The following ALG1 variants were observed in gnomAD, a reference collection of about 807,000 sequenced individuals.
ALG1 encodes the protein ALG1 chitobiosyldiphosphodolichol beta-mannosyltransferase, also known as chitobiosyldiphosphodolichol beta-mannosyltransferase.
ALG1 carries 58 observed loss-of-function variants against 55.1 expected under a neutral mutation model. That is an observed-to-expected ratio of 1.05 (90% CI 0.85 to 1.31). The LOEUF (loss-of-function observed/expected upper bound fraction) is 1.31. Ranked by LOEUF, ALG1 falls within the 50% of genes most tolerant of loss-of-function variation. The pLI, the probability that ALG1 is intolerant of heterozygous loss-of-function variation, is 0.00. For synonymous variants in ALG1, 309 were observed against 247.0 expected (o/e 1.25, Z -2.35); for missense variants, 761 against 598.6 (o/e 1.27, Z -2.83).
At chr16:5,075,637 G>T in intron 4 of ALG1, 101 bp downstream of exon 4, 5 of 1,450,830 alleles carry the variant, frequency 3.4e-6, no homozygotes, top group Non-Finnish European at 4.8e-6. Flanking sequence ...TTCCTTGTGG[G>T]CTCTGCAGGA....
Position 5,086,061 on chromosome 16 carries a change from C to T in ALG1, c.*1180C>T, listed in dbSNP as rs1430914139. 6.6e-6 allele frequency among the ~76,000 whole-genome samples: 1 copy of T among 152,208 alleles called. No homozygotes were observed. Among genetic ancestry groups the T allele is most frequent in the Non-Finnish European group, 1.5e-5 (1 of 68,038 alleles). On this transcript the variant is annotated 3_prime_UTR_variant, in exon 13 of 13. Transcript: ENST00000262374. ...TCACAAAGCTTAGAAAGCGGCCGGG[C>T]ACAGTGGCTCATGCCTGTAATCCCA...
chr16:5,087,136 C>T lies in ALG1; in HGVS notation c.*2255C>T, dbSNP rs1027646794. 9 of 152,294 alleles carry T rather than the reference C, an allele frequency of 5.9e-5. No homozygotes were observed. The highest frequency in any genetic ancestry group is 2.2e-4 in the African/African-American group (9 of 41,530). 9.4% of individuals were successfully genotyped at this position (152,294 alleles called of 1,614,324 possible). On this transcript the variant is annotated 3_prime_UTR_variant, in exon 13 of 13. Coordinates refer to ENST00000262374, the MANE Select transcript of ALG1 (RefSeq NM_019109.5). The stretch of plus-strand genomic sequence containing the variant: ...TCAGGGATGTCCAATCTTTTGGCCT[C>T]CCTGTGCCACACTGGAAGAAGAAGA...
chr16:5,079,561 C>T (rs376363632), intron 8 of ALG1, among the ~76,000 whole-genome samples, 187 bp from the exon 9 acceptor site: 4 of 152,138 alleles, frequency 2.6e-5, no homozygotes, highest in South Asian at 2.1e-4. Context: ...TGGTGGTGGG[C>T]GCCTGTCATC....
rs199553558 is a variant in ALG1, at chr16:5,073,175, C to T, written c.309C>T (p.Tyr103=). 3.7e-5 allele frequency: 60 copies of T among 1,614,122 alleles called. No homozygotes were observed. The East Asian group carries it at 6.9e-4, about 19-fold the overall frequency. Residue 103 remains tyrosine, a synonymous_variant, in exon 3 of 13, where the codon TAC becomes TAT. Coordinates refer to ENST00000262374, the MANE Select transcript of ALG1 (RefSeq NM_019109.5). ...CAGTTGGGCCCCGAGTTTTCCAGTACGGAGTCAAAGTTGTACTTCAGGCTA... is the reference window on the plus strand; with the variant it reads ...CAGTTGGGCCCCGAGTTTTCCAGTATGGAGTCAAAGTTGTACTTCAGGCTA... The part of the protein sequence containing the change: ...SLAVGPRVFQ[Y]GVKVVLQAMY...
intron 4 of ALG1, among the ~76,000 whole-genome samples, chr16:5,077,036 C>T (rs1479006549): frequency 3.9e-5 from 6 of 152,110 alleles, no homozygotes; most frequent in Non-Finnish European, 2.9e-5. Flanking sequence ...CTCAAACGAT[C>T]CACCTCCCAA....
rs2142734229 is a variant in ALG1 at position 5,085,080 on chromosome 16, T to C, written c.*199T>C. On this transcript the variant is annotated 3_prime_UTR_variant, in exon 13 of 13. Coordinates refer to ENST00000262374, the MANE Select transcript of ALG1 (RefSeq NM_019109.5). ...GGCCTTGATTTCTTCTCTGGAGGCTTGGAAACGCTTCCTCTCTTCTTCTGT... is the reference window on the plus strand; with the variant it reads ...GGCCTTGATTTCTTCTCTGGAGGCTCGGAAACGCTTCCTCTCTTCTTCTGT... 1.1e-6 allele frequency: 1 copy of C among 930,344 alleles called. No individual in the cohort carries two copies. The highest frequency in any genetic ancestry group is 1.6e-6 in the Non-Finnish European group (1 of 623,376). The allele number at this position is 930,344 out of a possible 1,614,324, so 57.6% of individuals were successfully genotyped here.
In ALG1 at chr16:5,072,834, A is replaced by G. The variant is rs1357254226; in HGVS notation, c.209-117A>G. The G allele has an allele frequency of 1.7e-5, 16 of 959,346 alleles. No homozygotes were observed. In the East Asian group the frequency reaches 2.9e-4, roughly 17 times the overall value. 59.4% of individuals were successfully genotyped at this position (959,346 alleles called of 1,614,324 possible). On this transcript the variant is annotated intron_variant, in intron 1 of 12. Coordinates refer to ENST00000262374, the MANE Select transcript of ALG1 (RefSeq NM_019109.5). ...GTTCTGGCTAGTGAGGAGCAGAGAG[A>G]GGTTTTGAAATATCTTACTTTCCAA...
chr16:5,072,085 G>T (rs958340081), intron 1 of ALG1, 28 bp downstream of exon 1: 21 of 1,554,412 alleles, frequency 1.4e-5, no homozygotes, highest in Non-Finnish European at 1.7e-5. Context: ...TGGGAGGGAC[G>T]ATGCTCTCTC....
intron 3 of ALG1, among the ~76,000 whole-genome samples, chr16:5,074,376 C>T (rs1956870927): frequency 2.0e-5 from 3 of 152,254 alleles, no homozygotes; most frequent in East Asian, 3.9e-4. Context: ...TCTTGAACTC[C>T]TGACCTCAGG....
intron 4 of ALG1, 129 bp downstream of exon 4, chr16:5,075,665 G>A (rs1956899254): frequency 2.7e-6 from 3 of 1,107,468 alleles, no homozygotes; most frequent in South Asian, 2.6e-5. Context: ...TGAGGCTGGT[G>A]AATCAGGCCG....
At chr16:5,073,630 G>C (rs1234139799) in intron 3 of ALG1, among the ~76,000 whole-genome samples, 1 of 152,246 alleles carries the variant, frequency 6.6e-6, no homozygotes, top group Non-Finnish European at 1.5e-5. Context: ...CATACAGCTA[G>C]GAAGTGGTGG....
chr16:5,078,622 G>C, intron 6 of ALG1, 135 bp from the exon 7 acceptor site: 2 of 1,498,474 alleles, frequency 1.3e-6, no homozygotes, highest in Non-Finnish European at 1.9e-6. Flanking sequence ...GATGGCAGGG[G>C]TGGCCTGGTG....
At position 5,071,867 on chromosome 16, in the gene ALG1, G is replaced by GATCCTGCTGGCGCTGT; in HGVS notation, c.18_19insATCCTGCTGGCGCTGT (p.Val7IlefsTer74). On this transcript the variant is annotated frameshift_variant, in exon 1 of 13. Coordinates refer to ENST00000262374, the MANE Select transcript of ALG1 (RefSeq NM_019109.5). LOFTEE classifies it high-confidence loss of function. ...CAGCCAAGATGGCGGCCTCATGCTT[G>GATCCTGCTGGCGCTGT]GTCCTGCTGGCGCTGTGTCTGCTGC... 4 of 1,604,960 alleles carry GATCCTGCTGGCGCTGT rather than the reference G, an allele frequency of 2.5e-6. No individual in the cohort carries two copies. In the South Asian group the frequency reaches 4.4e-5, roughly 18 times the overall value.
At chr16:5,072,307 A>C in intron 1 of ALG1, 1 of 1,405,368 alleles carries the variant, frequency 7.1e-7, no homozygotes, top group South Asian at 1.5e-5. Flanking sequence ...TCTCCTAGTA[A>C]GTGGAACCCA....
rs767947828 is a variant in ALG1 at position 5,077,904 on chromosome 16, C to T, written c.630-3C>T. The stretch of plus-strand genomic sequence containing the variant: ...CAATAGCCCCGTCATGATTTCATTG[C>T]AGGGCTGTGACCGTCTACGACAAGC... On this transcript the variant is annotated splice_region_variant and splice_polypyrimidine_tract_variant and intron_variant, in intron 5 of 12. Coordinates refer to ENST00000262374, the MANE Select transcript of ALG1 (RefSeq NM_019109.5). 3.7e-6 allele frequency: 6 copies of T among 1,607,958 alleles called. No homozygotes were observed. Among genetic ancestry groups the T allele is most frequent in the East Asian group, 2.2e-5 (1 of 44,886 alleles).
intron 4 of ALG1, among the ~76,000 whole-genome samples, chr16:5,076,577 G>A (rs749088707): frequency 4.6e-5 from 7 of 152,294 alleles, no homozygotes; most frequent in Middle Eastern, 3.4e-3. Context: ...AGGAACAGGC[G>A]ATGATACCCT....
Position 5,072,986 on chromosome 16 carries a change from A to C in ALG1, c.244A>C (p.Arg82=), listed in dbSNP as rs756584754. 3 of 1,614,260 alleles carry C rather than the reference A, an allele frequency of 1.9e-6. No homozygotes were observed. In the Admixed American group the frequency reaches 5.0e-5, roughly 27 times the overall value. The change falls in exon 2 of 13, where the codon AGA becomes CGA. Residue 82 remains arginine, a synonymous_variant. Coordinates refer to ENST00000262374, the MANE Select transcript of ALG1 (RefSeq NM_019109.5). ...CCATGATGAGCTCTTGCAGAACAAC[A>C]GAATTCAGATTGTGGGGTTGACAGA... ...KPHDELLQNN[R]IQIVGLTELQ... is the part of the protein sequence containing the mutation.
At position 5,085,637 on chromosome 16, in the gene ALG1, G is replaced by A. The variant is rs568457681; in HGVS notation, c.*756G>A. ...GTTGGAGTCGTGTGTGAGTCCTACA[G>A]GGTGAGATTCAGCATTGCCATCTCC... is the stretch of plus-strand genomic sequence containing the variant. On this transcript the variant is annotated 3_prime_UTR_variant, in exon 13 of 13. Coordinates refer to ENST00000262374, the MANE Select transcript of ALG1 (RefSeq NM_019109.5). 1.9e-6 allele frequency: 3 copies of A among 1,605,322 alleles called. No individual in the cohort carries two copies. Among genetic ancestry groups the A allele is most frequent in the East Asian group, 4.5e-5 (2 of 44,860 alleles).
intron 4 of ALG1, among the ~76,000 whole-genome samples, 171 bp downstream of exon 4, chr16:5,075,707 C>T (rs985232038): frequency 3.9e-5 from 6 of 152,256 alleles, no homozygotes; most frequent in South Asian, 2.1e-4. Flanking sequence ...AAACAGGCCT[C>T]AGCAAAGGAC....
Sources: gnomAD v4.1 joint callset for allele counts (sites outside exome capture counted in the v4.1 genomes callset) on GRCh38, gnomAD v4.1.1 for gene constraint, MANE v1.5 for transcripts, NCBI Gene and HGNC (gene_info 2026-07-23, HGNC 2026-07-21) for gene names.